Variants in DOCK1 observed in about 807,000 individuals in gnomAD.
DOCK1 encodes dedicator of cytokinesis 1, also known as dedicator of cytokinesis protein 1.
DOCK1 carries 138 observed loss-of-function variants against 262.7 expected under a neutral mutation model. The ratio of observed to expected loss-of-function variants is 0.53; its 90% confidence interval spans 0.46 to 0.61. The LOEUF is 0.61. DOCK1 is among the 20% of genes least tolerant of loss of function. DOCK1 has a pLI of 0.00. For synonymous variants in DOCK1, 866 were observed against 867.4 expected, an observed-to-expected ratio of 1.00 and a Z score of 0.03; for missense variants, 1,908 against 2,370.7, an observed-to-expected ratio of 0.80 and a Z score of 4.05.
intron 27 of DOCK1, among the ~76,000 whole-genome samples, chr10:127,229,069 C>G (rs2058744863): frequency 6.6e-6 from 1 of 151,992 alleles, no homozygotes; most frequent in African/African-American, 2.4e-5. Context: ...CCTGTCTTTA[C>G]TAAAAAATAC....
At position 127,066,578 on chromosome 10, in the gene DOCK1, G is replaced by T. The variant is rs112787761; in HGVS notation, c.2445+4802G>T. Among the ~76,000 whole-genome samples the T allele has an allele frequency of 4.8e-3, 731 of 152,186 alleles. 4 individuals are homozygous for T. The highest frequency in any genetic ancestry group is 0.017 in the African/African-American group (688 of 41,522). On this transcript the variant is annotated intron_variant, in intron 23 of 51. Coordinates refer to ENST00000623213, the MANE Select transcript of DOCK1 (RefSeq NM_001290223.2). ...CTGGCTCTCCAAGCCTTTTTCCCTC[G>T]TGGAGACCCAAGTAGAACCAGTGCG...
intron 27 of DOCK1, among the ~76,000 whole-genome samples, chr10:127,208,871 G>A (rs907955591): frequency 1.3e-5 from 2 of 152,150 alleles, no homozygotes; most frequent in African/African-American, 2.4e-5. Context: ...TCCTATTGCA[G>A]TATTTTTGTG....
At chr10:127,168,687 A>G (rs1020029108) in intron 27 of DOCK1, among the ~76,000 whole-genome samples, 1 of 152,230 alleles carries the variant, frequency 6.6e-6, no homozygotes, top group Non-Finnish European at 1.5e-5. Flanking sequence ...TAGAGAGTGC[A>G]TAGCCAAATT....
At chr10:127,300,797 G>A (rs577847182) in intron 29 of DOCK1, among the ~76,000 whole-genome samples, 1 of 152,102 alleles carries the variant, frequency 6.6e-6, no homozygotes, top group South Asian at 2.1e-4. Context: ...AGCCCCACCT[G>A]ACTTTCTTTG....
Position 127,404,322 on chromosome 10 carries a change from C to T in DOCK1, c.4018-3C>T, listed in dbSNP as rs1465719944. ...TGAAATGCATTTTCTTTTTTCCTTC[C>T]AGAAAAAACAGGCTCAGTTTTATGA... On this transcript the variant is annotated splice_region_variant and splice_polypyrimidine_tract_variant and intron_variant, in intron 39 of 51. Coordinates refer to ENST00000623213, the MANE Select transcript of DOCK1 (RefSeq NM_001290223.2). 1 of 1,611,368 alleles carries T rather than the reference C, an allele frequency of 6.2e-7. No homozygotes were observed. Among genetic ancestry groups the T allele is most frequent in the Non-Finnish European group, 8.5e-7 (1 of 1,178,618 alleles).
At chr10:127,397,304 C>T (rs1442828469) in intron 38 of DOCK1, among the ~76,000 whole-genome samples, 27 of 77,816 alleles carry the variant, frequency 3.5e-4, no homozygotes, top group Middle Eastern at 0.019. Flanking sequence ...ACACGGGCGG[C>T]AACTCCTATG....
In DOCK1 at chr10:127,009,579, C is replaced by T. The variant is rs148799247; in HGVS notation, c.1058+775C>T. Among the ~76,000 whole-genome samples the T allele has an allele frequency of 5.7e-3, 872 of 152,102 alleles. 5 individuals are homozygous for T. Among genetic ancestry groups the T allele is most frequent in the African/African-American group, 0.02 (834 of 41,496 alleles). ...TTGTAAGAGACAGCTTCCTCCTGGG[C>T]GTGGGGTTGGGTGGCGATGTTAGGG... is the stretch of plus-strand genomic sequence containing the variant. On this transcript the variant is annotated intron_variant, in intron 11 of 51. Coordinates refer to ENST00000623213, the MANE Select transcript of DOCK1 (RefSeq NM_001290223.2).
At chr10:127,055,649 T>A (rs2045092144) in intron 22 of DOCK1, among the ~76,000 whole-genome samples, 1 of 152,240 alleles carries the variant, frequency 6.6e-6, no homozygotes, top group Non-Finnish European at 1.5e-5. Flanking sequence ...AGAGCTTCCC[T>A]AACTCATTCT....
intron 23 of DOCK1, among the ~76,000 whole-genome samples, chr10:127,077,814 A>C (rs1217957031): frequency 2.0e-5 from 3 of 151,996 alleles, no homozygotes; most frequent in Admixed American, 6.6e-5. Flanking sequence ...CACTGAAACC[A>C]CCAGTTAAGG....
chr10:126,947,383 G>GTGGTGGT lies in DOCK1; in HGVS notation c.47-23315_47-23314insGGTTGGT, dbSNP rs2035538372. On this transcript the variant is annotated intron_variant, in intron 1 of 51. Transcript: ENST00000623213. ...GGTAGTATTACTGTTGGTGGTGATG[G>GTGGTGGT]TGGTAGTTGGTAGTATTACTGTTGG... Among the ~76,000 whole-genome samples, 13 of 143,030 alleles carry GTGGTGGT rather than the reference G, an allele frequency of 9.1e-5. 1 individual carries two copies. The highest frequency in any genetic ancestry group is 4.7e-4 in the East Asian group (2 of 4,222). 93.8% of individuals were successfully genotyped at this position (143,030 alleles called of 152,430 possible).
chr10:126,962,693 T>C (rs1230092686), intron 1 of DOCK1, among the ~76,000 whole-genome samples: 1 of 152,234 alleles, frequency 6.6e-6, no homozygotes, highest in African/African-American at 2.4e-5. Flanking sequence ...TTTCTCTCTG[T>C]TAATAATATT....
At chr10:127,266,314 ATGT>A (rs1484104015) in intron 29 of DOCK1, among the ~76,000 whole-genome samples, 1 of 152,088 alleles carries the variant, frequency 6.6e-6, no homozygotes, top group African/African-American at 2.4e-5. Flanking sequence ...ATTTTAGTTG[ATGT>A]TGTGACTTCT....
intron 29 of DOCK1, among the ~76,000 whole-genome samples, chr10:127,263,150 G>A (rs2060233346): frequency 6.6e-6 from 1 of 152,150 alleles, no homozygotes; most frequent in African/African-American, 2.4e-5. Context: ...TTTGAGTGTG[G>A]AATTCATTAC....
chr10:127,320,770 G>A (rs893836366), intron 29 of DOCK1, among the ~76,000 whole-genome samples: 5 of 152,152 alleles, frequency 3.3e-5, no homozygotes, highest in Admixed American at 3.3e-4. Flanking sequence ...TGTGGCAGGT[G>A]TAGAATGGAT....
In DOCK1 at chr10:126,995,520, A is replaced by G. The variant is rs1402197974; in HGVS notation, c.474-1228A>G. ...TCAGGTGTGGCGGCGCGCGCCTGCA[A>G]TCCCAGGCACTCCGCAGGCTGAGGC... On this transcript the variant is annotated intron_variant, in intron 6 of 51. Transcript: ENST00000623213. This position sits in a 1 kb window ranked among gnomAD's most constrained non-coding sequence, Gnocchi z 5.8. Among the ~76,000 whole-genome samples, 3 of 152,198 alleles carry G rather than the reference A, an allele frequency of 2.0e-5. No individual in the cohort carries two copies. The highest frequency in any genetic ancestry group is 7.2e-5 in the African/African-American group (3 of 41,462).
rs1250347976 is a variant in DOCK1, at chr10:126,948,761, C to T, written c.47-21941C>T. On this transcript the variant is annotated intron_variant, in intron 1 of 51. Transcript: ENST00000623213. ...CCAGCCTGGATCCCAAGCTTCCCCT[C>T]CCTGGAATCATTGTGAGCTGCTCTG... Among the ~76,000 whole-genome samples, 7 of 152,174 alleles carry T rather than the reference C, an allele frequency of 4.6e-5. No individual in the cohort carries two copies. The South Asian group carries it at 6.3e-4, about 14-fold the overall frequency.
intron 29 of DOCK1, among the ~76,000 whole-genome samples, chr10:127,269,947 C>A (rs992503290): frequency 3.6e-4 from 55 of 152,220 alleles, no homozygotes; most frequent in African/African-American, 1.2e-3. Flanking sequence ...TGACCACGCT[C>A]AGTTTTGGTA....
intron 29 of DOCK1, among the ~76,000 whole-genome samples, chr10:127,313,137 C>T (rs1005012052): frequency 5.9e-5 from 9 of 152,136 alleles, no homozygotes; most frequent in Non-Finnish European, 1.2e-4. Context: ...ACTCCAAACA[C>T]CAGCTACTCT....
intron 32 of DOCK1, among the ~76,000 whole-genome samples, chr10:127,361,410 G>A (rs559489007): frequency 1.4e-4 from 21 of 152,164 alleles, no homozygotes; most frequent in Non-Finnish European, 2.4e-4. Flanking sequence ...CACCACACCC[G>A]GCCTAAAGTA....
Sources: gnomAD v4.1 joint callset for allele counts (sites outside exome capture counted in the v4.1 genomes callset) on GRCh38, gnomAD v4.1.1 for gene constraint, Gnocchi (gnomAD v3.1) non-coding constraint, MANE v1.5 for transcripts, NCBI Gene and HGNC (gene_info 2026-07-23, HGNC 2026-07-21) for gene names.